ABL2: variants seen among roughly 807,000 people sequenced by gnomAD.
ABL2 encodes the protein ABL proto-oncogene 2, non-receptor tyrosine kinase, also known as tyrosine-protein kinase ABL2.
ABL2 carries 49 observed loss-of-function variants against 107.7 expected under a neutral mutation model. The ratio of observed to expected loss-of-function variants is 0.45; its 90% CI spans 0.36 to 0.58. The LOEUF (loss-of-function observed/expected upper bound fraction) is 0.58, where lower values mean the gene tolerates loss of function less well. Among genes scored for constraint, ABL2 ranks in the 20% least tolerant of loss-of-function variants. The pLI, the probability that ABL2 is intolerant of heterozygous loss-of-function variation, is 0.00. For synonymous variants in ABL2, 549 were observed against 548.6 expected (o/e 1.00, Z -0.01); for missense variants, 1,245 against 1,457.0 (o/e 0.85, Z 2.37).
In ABL2 at chr1:179,184,179, G is replaced by A. The variant is rs1660553913; in HGVS notation, c.157+45062C>T. ...ACTGCTTAGGGAGGAGGACAAAGACGCACTGCATTATCTGACCAAAGTTGA... is the reference window on the plus strand; with the variant it reads ...ACTGCTTAGGGAGGAGGACAAAGACACACTGCATTATCTGACCAAAGTTGA... On this transcript the variant is annotated intron_variant, in intron 1 of 11. Coordinates refer to ENST00000502732, the MANE Select transcript of ABL2 (RefSeq NM_007314.4). The A allele has an allele frequency of 1.4e-5, 6 of 441,688 alleles. No individual in the cohort carries two copies. The East Asian group carries it at 2.1e-4, about 15-fold the overall frequency. The allele number at this position is 441,688 out of a possible 1,614,324, so 27.4% of individuals were successfully genotyped here. A position where few individuals can be genotyped will look rare whatever the true frequency, so the allele number is the denominator to read the frequency against.
Position 179,229,423 on chromosome 1 carries a change from C to A in ABL2, c.-26G>T, listed in dbSNP as rs1663427893. ...CCCTGCTCTCGCGTACTCCCGCGCCCCCGCCGACCCCTGGTCACATTCCTC... is the reference window on the plus strand; with the variant it reads ...CCCTGCTCTCGCGTACTCCCGCGCCACCGCCGACCCCTGGTCACATTCCTC... On this transcript the variant is annotated 5_prime_UTR_variant, in exon 1 of 12. Coordinates refer to ENST00000502732, the MANE Select transcript of ABL2 (RefSeq NM_007314.4). 1.3e-6 allele frequency: 2 copies of A among 1,485,716 alleles called. No individual in the cohort carries two copies. Among genetic ancestry groups the A allele is most frequent in the South Asian group, 2.7e-5 (2 of 73,106 alleles). The allele number at this position is 1,485,716 out of a possible 1,614,324, so 92.0% of individuals were successfully genotyped here.
chr1:179,170,103 T>C lies in ABL2; in HGVS notation c.158-36729A>G, dbSNP rs180738201. On this transcript the variant is annotated intron_variant, in intron 1 of 11. Coordinates refer to ENST00000502732, the MANE Select transcript of ABL2 (RefSeq NM_007314.4). ...TCTAGAGACTAGGAGTCCAAGGGCA[T>C]AGCACCAACATCTGGTGAAGGTCAT... 2.0e-5 allele frequency among the ~76,000 whole-genome samples: 3 copies of C among 152,218 alleles called. No individual in the cohort carries two copies. In the East Asian group the frequency reaches 5.8e-4, roughly 29 times the overall value.
rs1440286658 is a variant in ABL2, at chr1:179,108,413, C to G, written c.2854G>C (p.Asp952His). ...AGCTTGAATTTATTCCCCTGAGAGT[C>G]TGTGCCAATGAGCTGCACGTCAGCT... is the stretch of plus-strand genomic sequence containing the variant. Reference protein sequence around the residue: ...TPADVQLIGTDSQGNKFKLLS... With the variant: ...TPADVQLIGTHSQGNKFKLLS... Residue 952 changes from aspartate (D) to histidine (H), a missense_variant, in exon 12 of 12, where the codon GAC (aspartate) becomes CAC (histidine). Transcript: ENST00000502732. 4 of 1,614,260 alleles carry G rather than the reference C, an allele frequency of 2.5e-6. No homozygotes were observed. The highest frequency in any genetic ancestry group is 3.4e-6 in the Non-Finnish European group (4 of 1,180,056).
chr1:179,108,361 G>C lies in ABL2; in HGVS notation c.2906C>G (p.Ser969Cys), dbSNP rs550898579. Residue 969 changes from serine (S) to cysteine (C), a missense_variant, in exon 12 of 12, where the codon TCT becomes TGT. Ser to Cys is a moderately radical substitution (Grantham distance 112). Coordinates refer to ENST00000502732, the MANE Select transcript of ABL2 (RefSeq NM_007314.4). ...CCGTCGGGGTCGGTCCTTGTCTCCAGAGGATGTGACCTGATGCTCAGATAA... is the reference window on the plus strand; with the variant it reads ...CCGTCGGGGTCGGTCCTTGTCTCCACAGGATGTGACCTGATGCTCAGATAA... ...KLLSEHQVTS[S>C]GDKDRPRRVK... 13 of 1,614,244 alleles carry C rather than the reference G, an allele frequency of 8.1e-6. No individual in the cohort carries two copies. Among genetic ancestry groups the C allele is most frequent in the African/African-American group, 4.0e-5 (3 of 75,058 alleles).
At chr1:179,175,668 G>A (rs1360416823) in intron 1 of ABL2, among the ~76,000 whole-genome samples, 2 of 152,086 alleles carry the variant, frequency 1.3e-5, no homozygotes, top group Admixed American at 6.6e-5. Flanking sequence ...TCTCTTAGCA[G>A]ACAGATATCC....
chr1:179,102,449 A>G lies in ABL2; in HGVS notation c.*5269T>C. On this transcript the variant is annotated 3_prime_UTR_variant, in exon 12 of 12. Transcript: ENST00000502732. ...CCCAGACTGAAGCAGGAATTTACAA[A>G]GGAAGTGAGCTACTACTGGCTTGAT... 1 of 223,580 alleles carries G rather than the reference A, an allele frequency of 4.5e-6. No homozygotes were observed. Among genetic ancestry groups the G allele is most frequent in the Non-Finnish European group, 8.9e-6 (1 of 112,062 alleles). The allele number at this position is 223,580 out of a possible 1,614,324, so 13.8% of individuals were successfully genotyped here. A position where few individuals can be genotyped will look rare whatever the true frequency, so the allele number is the denominator to read the frequency against.
At position 179,156,527 on chromosome 1, in the gene ABL2, T is replaced by C. The variant is rs143357604; in HGVS notation, c.158-23153A>G. Among the ~76,000 whole-genome samples, 8 of 152,300 alleles carry C rather than the reference T, an allele frequency of 5.3e-5. No individual in the cohort carries two copies. In the East Asian group the frequency reaches 1.5e-3, roughly 29 times the overall value. On this transcript the variant is annotated intron_variant, in intron 1 of 11. Transcript: ENST00000502732. The stretch of plus-strand genomic sequence containing the variant: ...ATTTTTCTCCAGCTTCAAACAAGAC[T>C]ATCATGGAAGTTACAAAAGCACTGG...
At position 179,199,094 on chromosome 1, in the gene ABL2, C is replaced by T. The variant is rs151074057; in HGVS notation, c.157+30147G>A. On this transcript the variant is annotated intron_variant, in intron 1 of 11. Coordinates refer to ENST00000502732, the MANE Select transcript of ABL2 (RefSeq NM_007314.4). ...CTGACCTCAGGTGATCCACCCGCCT[C>T]GGCCTCCCAAAGTGCTGAGATTACA... Among the ~76,000 whole-genome samples, 608 of 152,170 alleles carry T rather than the reference C, an allele frequency of 4.0e-3. 4 individuals are homozygous for T. Among genetic ancestry groups the T allele is most frequent in the African/African-American group, 0.01 (420 of 41,524 alleles).
intron 1 of ABL2, among the ~76,000 whole-genome samples, chr1:179,228,123 G>A (rs747416358): frequency 4.0e-5 from 6 of 149,164 alleles, no homozygotes; most frequent in Non-Finnish European, 7.4e-5. Flanking sequence ...CCAGCACTTT[G>A]AGAGGCCAAG....
intron 1 of ABL2, among the ~76,000 whole-genome samples, chr1:179,225,922 T>C (rs371364718): frequency 6.6e-6 from 1 of 151,482 alleles, no homozygotes; most frequent in Non-Finnish European, 1.5e-5. Flanking sequence ...CAGGTGCCTG[T>C]AGTCCCAGCT....
chr1:179,229,666 CATCTTTAA>C lies in ABL2; in HGVS notation c.-277_-270del. ...CCGCCGCCGCCGCCACCGCCGCCGCCATCTTTAAACCACCGAGCGCTGGGAAAGCGTGG... is the reference window on the plus strand; with the variant it reads ...CCGCCGCCGCCGCCACCGCCGCCGCCACCACCGAGCGCTGGGAAAGCGTGG... On this transcript the variant is annotated 5_prime_UTR_variant, in exon 1 of 12. The change abolishes an upstream ATG in the 5' untranslated region. Transcript: ENST00000502732. 3 of 470,818 alleles carry C rather than the reference CATCTTTAA, an allele frequency of 6.4e-6. No homozygotes were observed. The highest frequency in any genetic ancestry group is 2.1e-5 in the African/African-American group (1 of 48,214). The allele number at this position is 470,818 out of a possible 1,614,324, so 29.2% of individuals were successfully genotyped here. A position where few individuals can be genotyped will look rare whatever the true frequency, so the allele number is the denominator to read the frequency against.
chr1:179,225,698 C>G (rs781265785), intron 1 of ABL2, among the ~76,000 whole-genome samples: 31 of 152,090 alleles, frequency 2.0e-4, no homozygotes, highest in Non-Finnish European at 1.6e-4. Flanking sequence ...GGACAGCCCC[C>G]CAAAACACAG....
intron 1 of ABL2, among the ~76,000 whole-genome samples, chr1:179,219,923 G>A (rs1408741745): frequency 1.3e-5 from 2 of 152,180 alleles, no homozygotes; most frequent in East Asian, 3.8e-4. Flanking sequence ...GGTAAATAAT[G>A]ACAATAAAAC....
intron 1 of ABL2, among the ~76,000 whole-genome samples, chr1:179,154,914 CT>C (rs893716958): frequency 6.6e-6 from 1 of 152,206 alleles, no homozygotes; most frequent in Non-Finnish European, 1.5e-5. Flanking sequence ...TATTTAATCA[CT>C]GTACCTTGCA....
intron 10 of ABL2, chr1:179,110,971 T>G: frequency 7.3e-7 from 1 of 1,362,308 alleles, no homozygotes; most frequent in South Asian, 1.3e-5. Context: ...TTGATGTTAT[T>G]ATTTTTGGCT....
intron 6 of ABL2, among the ~76,000 whole-genome samples, chr1:179,119,651 T>C (rs956584146): frequency 6.6e-6 from 1 of 151,406 alleles, no homozygotes; most frequent in African/African-American, 2.4e-5. Context: ...CAATCTAACA[T>C]AATAAAGCAT....
intron 9 of ABL2, among the ~76,000 whole-genome samples, chr1:179,114,369 C>G (rs201085785): frequency 5.0e-5 from 1 of 20,078 alleles, no homozygotes; most frequent in Non-Finnish European, 1.0e-4. Flanking sequence ...AATCACGTCA[C>G]TGAGCCGAAA....
At chr1:179,153,561 T>C (rs985669389) in intron 1 of ABL2, among the ~76,000 whole-genome samples, 4 of 152,160 alleles carry the variant, frequency 2.6e-5, no homozygotes, top group East Asian at 3.9e-4. Flanking sequence ...CAGGTTCACA[T>C]TGCCTTCTCC....
intron 1 of ABL2, among the ~76,000 whole-genome samples, chr1:179,172,637 G>A (rs1213742547): frequency 6.6e-6 from 1 of 152,174 alleles, no homozygotes; most frequent in Non-Finnish European, 1.5e-5. Context: ...ATAGGATACA[G>A]AGTTAAAATA....
Sources: allele counts gnomAD v4.1 joint callset (sites outside exome capture counted in the v4.1 genomes callset), GRCh38; gene constraint gnomAD v4.1.1; transcripts MANE v1.5; gene names NCBI Gene and HGNC (gene_info 2026-07-23, HGNC 2026-07-21).